The following ITGB3 variants were observed in gnomAD, a reference collection of about 807,000 sequenced individuals.
ITGB3 encodes integrin beta-3.
In ITGB3, 48 loss-of-function variants were observed where a neutral mutation model predicts 85.8. The observed-to-expected ratio is 0.56, with a 90% CI of 0.44 to 0.71. The LOEUF (loss-of-function observed/expected upper bound fraction) is 0.71, where lower values mean the gene tolerates loss of function less well. Among genes scored for constraint, ITGB3 ranks in the 30% least tolerant of loss-of-function variants. The pLI is 0.00. For missense variants in ITGB3, 861 were observed against 1,019.1 expected (o/e 0.84, Z 2.11); for synonymous variants, 363 against 395.6 (o/e 0.92, Z 0.98).
intron 13 of ITGB3, among the ~76,000 whole-genome samples, chr17:47,304,383 G>A (rs546852056): frequency 6.6e-6 from 1 of 152,224 alleles, no homozygotes; most frequent in Admixed American, 6.5e-5. Flanking sequence ...GCCACTATAG[G>A]GCAGTAAAGA....
intron 10 of ITGB3, among the ~76,000 whole-genome samples, chr17:47,298,287 C>T (rs1345522079): frequency 6.6e-6 from 1 of 152,178 alleles, no homozygotes; most frequent in Non-Finnish European, 1.5e-5. Flanking sequence ...GAAAATCTCT[C>T]TTTTTTTCAT....
chr17:47,275,670 G>A (rs1334153227), intron 2 of ITGB3, among the ~76,000 whole-genome samples: 1 of 152,224 alleles, frequency 6.6e-6, no homozygotes, highest in African/African-American at 2.4e-5. Context: ...AGGGGCGGGA[G>A]CTGGGAGGCT....
chr17:47,291,502 C>T (rs898959424), intron 9 of ITGB3: 2 of 339,108 alleles, frequency 5.9e-6, no homozygotes, highest in East Asian at 6.3e-5. Context: ...AGTCTCTCCA[C>T]GACTTTCCTT....
At chr17:47,263,748 C>G (rs946971992) in intron 1 of ITGB3, among the ~76,000 whole-genome samples, 9 of 152,124 alleles carry the variant, frequency 5.9e-5, no homozygotes, top group African/African-American at 2.2e-4. Flanking sequence ...CCTTGGCCTC[C>G]CACAGTGCTC....
At chr17:47,292,716 A>G (rs2065132158) in intron 10 of ITGB3, 148 bp downstream of exon 10, 1 of 747,670 alleles carries the variant, frequency 1.3e-6, no homozygotes, top group African/African-American at 1.8e-5. Flanking sequence ...TATAAGGACC[A>G]ATCCCCTTTT....
intron 10 of ITGB3, among the ~76,000 whole-genome samples, chr17:47,298,776 G>A (rs2065155214): frequency 6.6e-6 from 1 of 152,226 alleles, no homozygotes; most frequent in African/African-American, 2.4e-5. Context: ...CTCAGGTCAG[G>A]TAGGAGAGGC....
chr17:47,255,317 C>G (rs918165655), intron 1 of ITGB3, among the ~76,000 whole-genome samples: 1 of 151,664 alleles, frequency 6.6e-6, no homozygotes, highest in African/African-American at 2.4e-5. Context: ...TTGATAAATT[C>G]ACTTCAAAGA....
At position 47,302,811 on chromosome 17, in the gene ITGB3, A is replaced by G. The variant is rs1439956648; in HGVS notation, c.2105A>G (p.Lys702Arg). ...RFQYYEDSSG[K>R]SILYVVEEPE... ...CAGTACTATGAAGATTCTAGTGGAA[A>G]GTCCATCCTGTATGTGGTAGAAGAG... The change falls in exon 13 of 15, where the codon AAG (lysine) becomes AGG (arginine). Residue 702 changes from lysine (K) to arginine (R), a missense_variant. By Grantham distance (26) the Lys-to-Arg change is conservative (BLOSUM62 2). Transcript: ENST00000559488. 6.2e-7 allele frequency: 1 copy of G among 1,614,194 alleles called. No homozygotes were observed. Among genetic ancestry groups the G allele is most frequent in the Non-Finnish European group, 8.5e-7 (1 of 1,180,018 alleles).
At chr17:47,292,027 C>A in intron 9 of ITGB3, 112 bp from the exon 10 acceptor site, 2 of 1,070,884 alleles carry the variant, frequency 1.9e-6, no homozygotes, top group Non-Finnish European at 2.8e-6. Flanking sequence ...AAGCATAAGA[C>A]ACCCAATTTG....
At chr17:47,260,258 G>C (rs2065004616) in intron 1 of ITGB3, among the ~76,000 whole-genome samples, 1 of 152,104 alleles carries the variant, frequency 6.6e-6, no homozygotes, top group Admixed American at 6.6e-5. Context: ...TTACCTTTAG[G>C]CATCAGTCTC....
chr17:47,273,113 C>T (rs774254561), intron 1 of ITGB3, among the ~76,000 whole-genome samples: 3 of 152,104 alleles, frequency 2.0e-5, no homozygotes, highest in Admixed American at 6.5e-5. Context: ...TGTATACACC[C>T]TCATTTTCTG....
chr17:47,288,226 GAGAGAGAGAGAGAGAA>G (rs58668293), intron 6 of ITGB3, among the ~76,000 whole-genome samples: 4,051 of 140,852 alleles, frequency 0.029, 189 homozygotes, highest in African/African-American at 0.095. Flanking sequence ...GAGAGAGAGA[GAGAGAGAGAGAGAGAA>G]AGAGGGGAAA....
intron 1 of ITGB3, among the ~76,000 whole-genome samples, chr17:47,265,609 A>G (rs761279636): frequency 1.3e-5 from 2 of 152,180 alleles, no homozygotes; most frequent in African/African-American, 2.4e-5. Flanking sequence ...AACGACATCA[A>G]TTGATCACAT....
chr17:47,296,557 G>A (rs1454154202), intron 10 of ITGB3, among the ~76,000 whole-genome samples: 2 of 152,192 alleles, frequency 1.3e-5, no homozygotes, highest in Non-Finnish European at 2.9e-5. Context: ...AAGCAGGTGA[G>A]TTACATGATC....
chr17:47,300,606 C>T, intron 12 of ITGB3, 28 bp downstream of exon 12: 3 of 1,521,032 alleles, frequency 2.0e-6, no homozygotes, highest in Non-Finnish European at 2.7e-6. Context: ...TAGAGTTGCA[C>T]ACACCCAGGT....
Position 47,274,495 on chromosome 17 carries a change from C to T in ITGB3, c.156C>T (p.Cys52=), listed in dbSNP as rs746091831. The change falls in exon 2 of 15, where the codon TGC becomes TGT. Residue 52 remains cysteine (C), a synonymous_variant. Coordinates refer to ENST00000559488, the MANE Select transcript of ITGB3 (RefSeq NM_000212.3). ...CLAVSPMCAW[C]SDEALPLGSP... is the part of the protein sequence containing the mutation. ...CTGTGAGCCCCATGTGTGCCTGGTG[C>T]TCTGATGAGGTAAGGAGCAGATACC... is the stretch of plus-strand genomic sequence containing the variant. 4.3e-6 allele frequency: 7 copies of T among 1,613,752 alleles called. No individual in the cohort carries two copies. The highest frequency in any genetic ancestry group is 3.3e-4 in the Middle Eastern group (2 of 6,058).
chr17:47,309,993 G>A, intron 14 of ITGB3, 146 bp from the exon 15 acceptor site: 1 of 726,188 alleles, frequency 1.4e-6, no homozygotes, highest in Non-Finnish European at 2.5e-6. Context: ...ACTAAAGTGT[G>A]AGCAAAATGA....
chr17:47,275,858 G>A (rs1259895625), intron 2 of ITGB3, among the ~76,000 whole-genome samples: 1 of 152,132 alleles, frequency 6.6e-6, no homozygotes, highest in Non-Finnish European at 1.5e-5. Context: ...GGGGTGTAAG[G>A]GGGGCATGGA....
chr17:47,269,225 A>T (rs746480603), intron 1 of ITGB3, among the ~76,000 whole-genome samples: 2 of 152,226 alleles, frequency 1.3e-5, no homozygotes, highest in Non-Finnish European at 2.9e-5. Flanking sequence ...AAGGTCTCTG[A>T]CATGCCCTGG....
Sources: allele counts gnomAD v4.1 joint callset (sites outside exome capture counted in the v4.1 genomes callset), GRCh38; gene constraint gnomAD v4.1.1; transcripts MANE v1.5; gene names NCBI Gene and HGNC (gene_info 2026-07-23, HGNC 2026-07-21).